TMEM117: variants seen among roughly 807,000 people sequenced by gnomAD.
TMEM117 encodes the protein transmembrane protein 117.
In TMEM117, 27 loss-of-function variants were observed where a neutral mutation model predicts 52.4. The ratio of observed to expected loss-of-function variants is 0.51; its 90% confidence interval spans 0.38 to 0.71. The LOEUF is 0.71. Ranked by LOEUF, TMEM117 falls within the 30% of genes least tolerant of loss-of-function variation. TMEM117 has a pLI of 0.00. For missense variants in TMEM117, 556 were observed against 630.5 expected (o/e 0.88, Z 1.26); for synonymous variants, 215 against 206.3 (o/e 1.04, Z -0.36).
At chr12:44,119,461 G>A (rs1170731495) in intron 3 of TMEM117, among the ~76,000 whole-genome samples, 2 of 152,184 alleles carry the variant, frequency 1.3e-5, no homozygotes, top group African/African-American at 2.4e-5. Flanking sequence ...TCAGGAGAGT[G>A]TAAACGTTTT....
intron 2 of TMEM117, among the ~76,000 whole-genome samples, chr12:43,850,034 G>T (rs1330074445): frequency 6.6e-6 from 1 of 152,136 alleles, no homozygotes; most frequent in Non-Finnish European, 1.5e-5. Flanking sequence ...TGGTGAGCAG[G>T]TCTGTGCAAA....
At chr12:43,817,824 A>G in the TMEM117 span, among the ~76,000 whole-genome samples, 6 of 152,208 alleles carry the variant, frequency 3.9e-5, no homozygotes, top group Non-Finnish European at 7.4e-5. Flanking sequence ...AGCTACATTA[A>G]TGCAAGCATA....
At chr12:43,876,605 T>G (rs760376772) in intron 2 of TMEM117, among the ~76,000 whole-genome samples, 11 of 152,200 alleles carry the variant, frequency 7.2e-5, no homozygotes, top group Non-Finnish European at 1.6e-4. Flanking sequence ...TTTGAGCCTT[T>G]AACCTGTCCT....
intron 5 of TMEM117, among the ~76,000 whole-genome samples, chr12:44,266,452 C>T (rs1435319096): frequency 6.6e-6 from 1 of 152,008 alleles, no homozygotes; most frequent in Non-Finnish European, 1.5e-5. Context: ...AATATTTACC[C>T]ATTTTTAAAT....
chr12:43,870,253 G>GTGTCTTTTTTT (rs1424781761), intron 2 of TMEM117, among the ~76,000 whole-genome samples: 1 of 150,796 alleles, frequency 6.6e-6, no homozygotes, highest in East Asian at 1.9e-4. Context: ...CAGTGTGCAT[G>GTGTCTTTTTTT]TGTCTTTTTT....
At chr12:44,354,190 T>G (rs2138788373) in intron 6 of TMEM117, among the ~76,000 whole-genome samples, 1 of 152,294 alleles carries the variant, frequency 6.6e-6, no homozygotes, top group South Asian at 2.1e-4. Flanking sequence ...AAGGAGATTT[T>G]GGGCTGAGAC....
intron 4 of TMEM117, among the ~76,000 whole-genome samples, chr12:44,195,428 T>C (rs1019091816): frequency 1.3e-5 from 2 of 152,144 alleles, no homozygotes; most frequent in Non-Finnish European, 2.9e-5. Flanking sequence ...CAATAATCTT[T>C]CTTTTGCTGC....
chr12:43,945,288 C>T (rs1428761137), intron 3 of TMEM117, among the ~76,000 whole-genome samples: 1 of 152,038 alleles, frequency 6.6e-6, no homozygotes, highest in Admixed American at 6.6e-5. Flanking sequence ...AAGGATTGGT[C>T]TTTCAGTATA....
chr12:44,396,156 C>A, the TMEM117 span, among the ~76,000 whole-genome samples: 2 of 152,086 alleles, frequency 1.3e-5, no homozygotes, highest in African/African-American at 4.8e-5. Context: ...GACTTCTAAC[C>A]CTGCAGCCAT....
At chr12:44,341,455 T>A (rs761443685) in intron 6 of TMEM117, among the ~76,000 whole-genome samples, 1 of 152,174 alleles carries the variant, frequency 6.6e-6, no homozygotes, top group Non-Finnish European at 1.5e-5. Context: ...TTCATTCTTT[T>A]CTATGGCTGA....
chr12:44,357,731 T>C (rs1951670328), intron 6 of TMEM117, among the ~76,000 whole-genome samples: 1 of 152,084 alleles, frequency 6.6e-6, no homozygotes, highest in South Asian at 2.1e-4. Context: ...GGAATGCAAA[T>C]GAATCCAGCC....
chr12:44,254,011 C>CAA (rs199912435), intron 5 of TMEM117, among the ~76,000 whole-genome samples: 4,152 of 89,996 alleles, frequency 0.046, 195 homozygotes, highest in African/African-American at 0.12. Flanking sequence ...CTCATTTGAC[C>CAA]AAAAAAAAAA....
intron 6 of TMEM117, among the ~76,000 whole-genome samples, chr12:44,365,836 A>G (rs985948716): frequency 6.6e-6 from 1 of 152,020 alleles, no homozygotes; most frequent in African/African-American, 2.4e-5. Flanking sequence ...TACATGTGCC[A>G]TGTTGGTGTG....
chr12:43,914,228 T>A (rs1944562757), intron 2 of TMEM117, among the ~76,000 whole-genome samples: 1 of 152,094 alleles, frequency 6.6e-6, no homozygotes, highest in Non-Finnish European at 1.5e-5. Context: ...TATTCATCTA[T>A]GGGGAAAACC....
intron 2 of TMEM117, among the ~76,000 whole-genome samples, chr12:43,846,552 T>C (rs1943211661): frequency 1.3e-5 from 2 of 152,190 alleles, no homozygotes; most frequent in Admixed American, 1.3e-4. Context: ...TCATCGCTTA[T>C]TACATGCCAG....
chr12:44,061,631 G>A (rs769515323), intron 3 of TMEM117, among the ~76,000 whole-genome samples: 2 of 152,114 alleles, frequency 1.3e-5, no homozygotes, highest in Non-Finnish European at 2.9e-5. Flanking sequence ...GATGTACTTG[G>A]TATGATTACA....
At chr12:44,292,949 A>G (rs746876746) in intron 5 of TMEM117, among the ~76,000 whole-genome samples, 1 of 151,982 alleles carries the variant, frequency 6.6e-6, no homozygotes, top group Non-Finnish European at 1.5e-5. Context: ...CATTTGGTGT[A>G]TGGTGTTATT....
chr12:44,230,099 A>C (rs1949913837), intron 5 of TMEM117, among the ~76,000 whole-genome samples: 1 of 151,646 alleles, frequency 6.6e-6, no homozygotes, highest in African/African-American at 2.4e-5. Flanking sequence ...TCAGTATGGT[A>C]TTTTTTTTAC....
At chr12:43,978,384 T>C (rs10880609) in intron 3 of TMEM117, among the ~76,000 whole-genome samples, 147,824 of 152,250 alleles carry the variant, frequency 0.97, 71,845 homozygotes, top group East Asian at 1. Flanking sequence ...AGCAGAGTCA[T>C]TAATAATATT....
Sources: allele counts gnomAD v4.1 joint callset (sites outside exome capture counted in the v4.1 genomes callset), GRCh38; gene constraint gnomAD v4.1.1; transcripts MANE v1.5; gene names NCBI Gene and HGNC (gene_info 2026-07-23, HGNC 2026-07-21).